GRID2: variants seen among roughly 807,000 people sequenced by gnomAD.
GRID2 encodes glutamate receptor ionotropic, delta-2.
GRID2 carries 33 observed loss-of-function variants against 114.8 expected under a neutral mutation model. The observed-to-expected ratio is 0.29, with a 90% CI of 0.22 to 0.38. GRID2 has a LOEUF of 0.38. Ranked by LOEUF, GRID2 falls within the 10% of genes least tolerant of loss-of-function variation. GRID2 has a pLI of 1.00. For synonymous variants in GRID2, 505 were observed against 449.9 expected (o/e 1.12, Z -1.55); for missense variants, 1,184 against 1,257.7 (o/e 0.94, Z 0.89).
At chr4:92,596,888 A>C (rs559669790) in intron 2 of GRID2, among the ~76,000 whole-genome samples, 1 of 152,152 alleles carries the variant, frequency 6.6e-6, no homozygotes, top group African/African-American at 2.4e-5. Context: ...ACAAAAGAAC[A>C]CAGCATATAA....
intron 13 of GRID2, among the ~76,000 whole-genome samples, chr4:93,541,887 T>C (rs1732690283): frequency 6.6e-6 from 1 of 152,164 alleles, no homozygotes. Flanking sequence ...CATTCTGGCC[T>C]CTCTTTGCAA....
At chr4:92,459,941 C>T (rs1424830251) in intron 1 of GRID2, among the ~76,000 whole-genome samples, 2 of 148,672 alleles carry the variant, frequency 1.3e-5, no homozygotes, top group East Asian at 4.1e-4. Flanking sequence ...AACTGTCACT[C>T]TTTCCTGGGT....
At chr4:93,290,872 C>CAT (rs770889427) in intron 8 of GRID2, among the ~76,000 whole-genome samples, 1 of 88,528 alleles carries the variant, frequency 1.1e-5, no homozygotes, top group African/African-American at 4.5e-5. Context: ...ATACAAGTTA[C>CAT]TTTTTTTTTT....
intron 1 of GRID2, among the ~76,000 whole-genome samples, chr4:92,498,174 TGTTGTA>T (rs1402766474): frequency 6.6e-6 from 1 of 151,792 alleles, no homozygotes; most frequent in African/African-American, 2.4e-5. Context: ...TTTGCATAAA[TGTTGTA>T]GTTGTTGTTG....
At chr4:92,837,018 C>T (rs868071065) in intron 2 of GRID2, among the ~76,000 whole-genome samples, 3 of 152,060 alleles carry the variant, frequency 2.0e-5, no homozygotes, top group Admixed American at 6.6e-5. Flanking sequence ...CTGCTGCTGG[C>T]TGCACAGAAG....
intron 14 of GRID2, among the ~76,000 whole-genome samples, chr4:93,655,872 A>T (rs535572260): frequency 6.6e-6 from 1 of 152,050 alleles, no homozygotes; most frequent in African/African-American, 2.4e-5. Flanking sequence ...AAGTCATTAC[A>T]GTGATATATA....
chr4:92,431,865 C>T (rs1406043083), intron 1 of GRID2, among the ~76,000 whole-genome samples: 1 of 152,190 alleles, frequency 6.6e-6, no homozygotes, highest in African/African-American at 2.4e-5. Context: ...TGTACCCATT[C>T]TTCTGGAAAA....
intron 1 of GRID2, among the ~76,000 whole-genome samples, chr4:92,307,764 C>T (rs1319423890): frequency 1.3e-5 from 2 of 152,050 alleles, no homozygotes; most frequent in African/African-American, 4.8e-5. Context: ...AATACACATC[C>T]ACACACAGAT....
At chr4:93,148,107 A>G (rs1019846237) in intron 4 of GRID2, among the ~76,000 whole-genome samples, 2 of 152,208 alleles carry the variant, frequency 1.3e-5, no homozygotes, top group Non-Finnish European at 2.9e-5. Flanking sequence ...GATAGAAGCC[A>G]TGATGTGTGG....
intron 9 of GRID2, among the ~76,000 whole-genome samples, chr4:93,403,189 C>T (rs1766072060): frequency 6.6e-6 from 1 of 152,066 alleles, no homozygotes; most frequent in Non-Finnish European, 1.5e-5. Context: ...GCAAGAATGA[C>T]AACTCTGGCT....
At chr4:93,723,459 T>G (rs1729566898) in intron 14 of GRID2, among the ~76,000 whole-genome samples, 1 of 152,238 alleles carries the variant, frequency 6.6e-6, no homozygotes, top group African/African-American at 2.4e-5. Flanking sequence ...GATTAGGGTA[T>G]GGACCAATCA....
At chr4:92,428,508 A>G (rs1263764859) in intron 1 of GRID2, among the ~76,000 whole-genome samples, 4 of 152,100 alleles carry the variant, frequency 2.6e-5, no homozygotes, top group Non-Finnish European at 5.9e-5. Flanking sequence ...CTTGTGGACA[A>G]TTGGTATATT....
chr4:92,537,478 G>A (rs189286117), intron 1 of GRID2, among the ~76,000 whole-genome samples: 1 of 152,234 alleles, frequency 6.6e-6, no homozygotes, highest in East Asian at 1.9e-4. Flanking sequence ...AATTATGATT[G>A]AATTTAAAGC....
rs997622716 is a variant in GRID2 at position 92,447,948 on chromosome 4, G to T, written c.89-142183G>T. On this transcript the variant is annotated intron_variant, in intron 1 of 15. Coordinates refer to ENST00000282020, the MANE Select transcript of GRID2 (RefSeq NM_001510.4). ...AATTCAAATATTCTGAACCCTTGCT[G>T]ACTAGCTGAAGTGCTTTAAACAAAT... Among the ~76,000 whole-genome samples the T allele has an allele frequency of 5.9e-5, 9 of 152,144 alleles. 1 individual carries two copies. The highest frequency in any genetic ancestry group is 2.2e-4 in the African/African-American group (9 of 41,428).
intron 2 of GRID2, among the ~76,000 whole-genome samples, chr4:92,848,825 T>C (rs1385468349): frequency 1.3e-5 from 2 of 151,730 alleles, no homozygotes; most frequent in Non-Finnish European, 2.9e-5. Context: ...GAAGAGAAAA[T>C]GTAGACACAT....
chr4:93,038,599 G>T (rs1027701197), intron 2 of GRID2, among the ~76,000 whole-genome samples: 1 of 152,082 alleles, frequency 6.6e-6, no homozygotes, highest in African/African-American at 2.4e-5. Flanking sequence ...GACCATCCTG[G>T]CTAACATGGT....
intron 1 of GRID2, among the ~76,000 whole-genome samples, chr4:92,569,940 C>A (rs548855585): frequency 6.8e-4 from 103 of 152,126 alleles, no homozygotes; most frequent in Non-Finnish European, 7.9e-4. Flanking sequence ...CTTTCTTTTG[C>A]TGTGCAGAAG....
chr4:92,898,463 C>T (rs1747329182), intron 2 of GRID2, among the ~76,000 whole-genome samples: 1 of 152,100 alleles, frequency 6.6e-6, no homozygotes. Context: ...TGCTACCAAA[C>T]ATATACTGTA....
chr4:93,594,653 C>G (rs1332936548), intron 13 of GRID2, among the ~76,000 whole-genome samples: 1 of 152,156 alleles, frequency 6.6e-6, no homozygotes, highest in Non-Finnish European at 1.5e-5. Flanking sequence ...CTCCCCCAGC[C>G]TCGCTGCCAC....
Sources: allele counts gnomAD v4.1 joint callset (sites outside exome capture counted in the v4.1 genomes callset), GRCh38; gene constraint gnomAD v4.1.1; transcripts MANE v1.5; gene names NCBI Gene and HGNC (gene_info 2026-07-23, HGNC 2026-07-21).